AGBL1: variants seen among roughly 807,000 people sequenced by gnomAD.
The protein encoded by AGBL1 is AGBL carboxypeptidase 1.
AGBL1 carries 130 observed loss-of-function variants against 118.9 expected under a neutral mutation model. The ratio of observed to expected loss-of-function variants is 1.09; its 90% CI spans 0.95 to 1.26. The LOEUF is 1.26. Among genes scored for constraint, AGBL1 ranks in the 50% most tolerant of loss-of-function variants. AGBL1 has a pLI of 0.00. For synonymous variants in AGBL1, 555 were observed against 478.9 expected, an observed-to-expected ratio of 1.16 and a Z score of -2.08; for missense variants, 1,584 against 1,298.1, an observed-to-expected ratio of 1.22 and a Z score of -3.38.
At position 86,915,196 on chromosome 15, in the gene AGBL1, C is replaced by G. The variant is rs1419588637; in HGVS notation, c.*7902C>G. ...ACCTGGACTTCAAGTTTTCTTACCA[C>G]TCTTCTCACCTTTGGTTGTGCTTCC... On this transcript the variant is annotated 3_prime_UTR_variant, in exon 23 of 23. Coordinates refer to ENST00000614907, the MANE Select transcript of AGBL1 (RefSeq NM_001386094.1). 2 of 152,212 alleles carry G rather than the reference C, an allele frequency of 1.3e-5. No homozygotes were observed. Among genetic ancestry groups the G allele is most frequent in the Non-Finnish European group, 2.9e-5 (2 of 68,060 alleles). 9.4% of individuals were successfully genotyped at this position (152,212 alleles called of 1,614,324 possible).
chr15:86,487,918 G>A (rs754006701), intron 18 of AGBL1, among the ~76,000 whole-genome samples: 1 of 151,990 alleles, frequency 6.6e-6, no homozygotes, highest in Non-Finnish European at 1.5e-5. Context: ...GTTTTATATC[G>A]GGGATGCTCA....
chr15:86,236,937 GGGGGCGGGGGGGGGC>G (rs1460427028), intron 6 of AGBL1, among the ~76,000 whole-genome samples: 21 of 56,012 alleles, frequency 3.7e-4, no homozygotes, highest in South Asian at 3.5e-3. Flanking sequence ...GTGGGCGGGG[GGGGGCGGGGGGGGGC>G]GGGGGGGCGC....
intron 22 of AGBL1, among the ~76,000 whole-genome samples, chr15:86,814,064 C>T (rs1458081904): frequency 6.6e-6 from 1 of 152,100 alleles, no homozygotes; most frequent in Non-Finnish European, 1.5e-5. Context: ...GGTTCCCAAC[C>T]CCTACGCTGT....
chr15:87,024,584 G>A (rs751001374), intron 24 of AGBL1, among the ~76,000 whole-genome samples: 22 of 151,834 alleles, frequency 1.4e-4, no homozygotes, highest in Admixed American at 3.3e-4. Context: ...CTACCAATCC[G>A]ATTGACACTA....
At chr15:86,937,212 A>T (rs1209088562) in intron 23 of AGBL1, among the ~76,000 whole-genome samples, 1 of 152,220 alleles carries the variant, frequency 6.6e-6, no homozygotes, top group Non-Finnish European at 1.5e-5. Context: ...TGGGAGTGTA[A>T]ATTAGTTCAA....
chr15:86,240,873 C>T (rs1448796969), intron 6 of AGBL1, among the ~76,000 whole-genome samples: 2 of 152,104 alleles, frequency 1.3e-5, no homozygotes, highest in Non-Finnish European at 2.9e-5. Flanking sequence ...TTTATTCTTA[C>T]TCATATATGT....
rs183348471 is a variant in AGBL1, at chr15:86,660,122, C to T, written c.2995-14151C>T. On this transcript the variant is annotated intron_variant, in intron 21 of 22. Transcript: ENST00000614907. ...GAACCATAGATGTTTAGACCTACTCCCGCAAGAAAGACGGTTTCCTGCAGA... is the reference window on the plus strand; with the variant it reads ...GAACCATAGATGTTTAGACCTACTCTCGCAAGAAAGACGGTTTCCTGCAGA... Among the ~76,000 whole-genome samples, 23 of 151,754 alleles carry T rather than the reference C, an allele frequency of 1.5e-4. No homozygotes were observed. In the East Asian group the frequency reaches 4.5e-3, roughly 29 times the overall value.
At chr15:86,948,159 G>C (rs1165647942) in intron 23 of AGBL1, among the ~76,000 whole-genome samples, 3 of 152,098 alleles carry the variant, frequency 2.0e-5, no homozygotes, top group Non-Finnish European at 2.9e-5. Context: ...CCCTGACTTG[G>C]GGGGAGGAGG....
At chr15:86,348,551 G>C (rs978613710) in intron 17 of AGBL1, among the ~76,000 whole-genome samples, 1 of 152,124 alleles carries the variant, frequency 6.6e-6, no homozygotes, top group African/African-American at 2.4e-5. Context: ...AGGCTGAGGC[G>C]GGCGGATCAT....
chr15:86,698,097 C>G (rs2086293052), intron 22 of AGBL1, among the ~76,000 whole-genome samples: 1 of 151,958 alleles, frequency 6.6e-6, no homozygotes, highest in Non-Finnish European at 1.5e-5. Context: ...TTTAGTCCTG[C>G]CTCCTATCCG....
intron 1 of AGBL1, among the ~76,000 whole-genome samples, chr15:86,105,627 A>G (rs1379180432): frequency 6.6e-6 from 1 of 152,194 alleles, no homozygotes; most frequent in Non-Finnish European, 1.5e-5. Flanking sequence ...CAGGAAAGAG[A>G]GGCCTTTACT....
downstream of AGBL1, among the ~76,000 whole-genome samples, chr15:86,916,467 G>GA (rs1055724335): frequency 1.6e-4 from 24 of 152,066 alleles, no homozygotes; most frequent in African/African-American, 5.3e-4. Context: ...CCAGAGTCCA[G>GA]AAAAAATATG....
At chr15:86,079,725 G>A (rs1014532168), upstream of AGBL1, 54 of 346,994 alleles carry the variant, frequency 1.6e-4, no homozygotes, top group Admixed American at 2.4e-3. Flanking sequence ...CCCCACCCCT[G>A]CACCCAAATG....
chr15:86,566,541 G>A (rs2083917794), intron 21 of AGBL1, among the ~76,000 whole-genome samples: 1 of 151,944 alleles, frequency 6.6e-6, no homozygotes, highest in Non-Finnish European at 1.5e-5. Context: ...TTTATAGCAG[G>A]GAACCTCCTA....
chr15:86,951,985 C>A (rs1164696664), intron 23 of AGBL1, among the ~76,000 whole-genome samples: 2 of 152,138 alleles, frequency 1.3e-5, no homozygotes, highest in Non-Finnish European at 2.9e-5. Flanking sequence ...GTAATCCCAG[C>A]ACTTTGGGAG....
chr15:86,295,991 C>G (rs938125180), intron 17 of AGBL1: 7 of 153,630 alleles, frequency 4.6e-5, no homozygotes, highest in African/African-American at 1.7e-4. Flanking sequence ...TAGACACAAA[C>G]ATATACACAG....
intron 19 of AGBL1, among the ~76,000 whole-genome samples, chr15:86,542,485 G>C (rs1567048467): frequency 6.7e-6 from 1 of 150,312 alleles, no homozygotes; most frequent in African/African-American, 2.5e-5. Flanking sequence ...TCCTGCCTCA[G>C]CCTCCTAAGT....
intron 7 of AGBL1, among the ~76,000 whole-genome samples, chr15:86,254,122 C>A (rs1408006741): frequency 6.6e-6 from 1 of 152,214 alleles, no homozygotes; most frequent in Non-Finnish European, 1.5e-5. Flanking sequence ...GCTTTGTTAT[C>A]ATGGGAATTA....
Position 86,216,226 on chromosome 15 carries a change from T to A in AGBL1, c.489-8688T>A, listed in dbSNP as rs73447603. The stretch of plus-strand genomic sequence containing the variant: ...TTTATTTCTTATTTTCCAAACTACA[T>A]GCCATTTATTTATTTATTTATTTAT... On this transcript the variant is annotated intron_variant, in intron 5 of 22. Transcript: ENST00000614907. 5.3e-3 allele frequency among the ~76,000 whole-genome samples: 717 copies of A among 135,070 alleles called. 7 individuals are homozygous for A. The highest frequency in any genetic ancestry group is 0.019 in the African/African-American group (686 of 35,874). The allele number at this position is 135,070 out of a possible 152,430, so 88.6% of individuals were successfully genotyped here. A position where few individuals can be genotyped will look rare whatever the true frequency, so the allele number is the denominator to read the frequency against.
Sources: allele counts gnomAD v4.1 joint callset (sites outside exome capture counted in the v4.1 genomes callset), GRCh38; gene constraint gnomAD v4.1.1; transcripts MANE v1.5; gene names NCBI Gene and HGNC (gene_info 2026-07-23, HGNC 2026-07-21).